PPARGC1A: variants seen among roughly 807,000 people sequenced by gnomAD.
PPARGC1A encodes peroxisome proliferator-activated receptor gamma coactivator 1-alpha.
In PPARGC1A, 25 loss-of-function variants were observed where a neutral mutation model predicts 88.7. That is an observed-to-expected ratio of 0.28 (90% confidence interval 0.21 to 0.39). PPARGC1A has a LOEUF of 0.39. Among genes scored for constraint, PPARGC1A ranks in the 10% least tolerant of loss-of-function variants. PPARGC1A has a pLI of 1.00. For missense variants in PPARGC1A, 880 were observed against 968.7 expected (o/e 0.91, Z 1.22); for synonymous variants, 363 against 355.6 (o/e 1.02, Z -0.24).
the PPARGC1A span, among the ~76,000 whole-genome samples, chr4:24,349,993 C>T: frequency 6.6e-6 from 1 of 152,340 alleles, no homozygotes; most frequent in East Asian, 1.9e-4. Context: ...GCTTCCTCTA[C>T]CCCTGTATTT....
chr4:24,111,016 A>T, the PPARGC1A span, among the ~76,000 whole-genome samples: 8 of 152,064 alleles, frequency 5.3e-5, no homozygotes, highest in Non-Finnish European at 1.0e-4. Context: ...TTTTTTGATC[A>T]TTTCTTATTT....
chr4:23,813,903 C>G lies in PPARGC1A; in HGVS notation c.1580G>C (p.Gly527Ala), dbSNP rs1465893815. 6.2e-7 allele frequency: 1 copy of G among 1,613,846 alleles called. No homozygotes were observed. Among genetic ancestry groups the G allele is most frequent in the Non-Finnish European group, 8.5e-7 (1 of 1,179,802 alleles). Residue 527 changes from glycine to alanine, a missense_variant, in exon 8 of 13, where the codon GGC (glycine) becomes GCC (alanine). Coordinates refer to ENST00000264867, the MANE Select transcript of PPARGC1A (RefSeq NM_013261.5). Reference sequence around the variant, plus strand: ...ATTGAACAATGAATAGGATTGCGTGCCATCCCAAGGGTAGCTCAGTTTATC... The same window carrying G: ...ATTGAACAATGAATAGGATTGCGTGGCATCCCAAGGGTAGCTCAGTTTATC... ...ESDKLSYPWD[G>A]TQSYSLFNVS...
At chr4:24,109,298 T>TAC in the PPARGC1A span, among the ~76,000 whole-genome samples, 14,071 of 131,674 alleles carry the variant, frequency 0.11, 725 homozygotes, top group Middle Eastern at 0.12. Flanking sequence ...CATTTCATTA[T>TAC]ACACACACAC....
At chr4:24,446,350 A>C in the PPARGC1A span, among the ~76,000 whole-genome samples, 1 of 152,202 alleles carries the variant, frequency 6.6e-6, no homozygotes, top group Non-Finnish European at 1.5e-5. Flanking sequence ...ACCTTTTCAT[A>C]TACCTGTTGG....
At chr4:24,326,187 C>A in the PPARGC1A span, among the ~76,000 whole-genome samples, 15 of 151,932 alleles carry the variant, frequency 9.9e-5, no homozygotes, top group Admixed American at 1.3e-4. Context: ...CCTTACCCCG[C>A]TGAATGCCAA....
the PPARGC1A span, among the ~76,000 whole-genome samples, chr4:24,137,856 A>G: frequency 6.6e-6 from 1 of 152,152 alleles, no homozygotes; most frequent in Non-Finnish European, 1.5e-5. Context: ...AAACAATCAA[A>G]CAAGAGCTAA....
chr4:24,091,356 G>A, the PPARGC1A span: 39 of 820,254 alleles, frequency 4.8e-5, no homozygotes, highest in African/African-American at 5.6e-5. Context: ...TCAAAAGGAC[G>A]TGCTTGCAGA....
the PPARGC1A span, among the ~76,000 whole-genome samples, chr4:24,165,061 C>G: frequency 2.0e-5 from 3 of 151,960 alleles, no homozygotes; most frequent in Non-Finnish European, 4.4e-5. Context: ...CTATCTGACT[C>G]CTTTATAACT....
the PPARGC1A span, among the ~76,000 whole-genome samples, chr4:24,304,686 G>A: frequency 4.6e-5 from 7 of 152,062 alleles, no homozygotes; most frequent in African/African-American, 1.2e-4. Flanking sequence ...TTCACTGACC[G>A]AATCAGGACA....
chr4:23,889,770 T>A (rs568513953), intron 1 of PPARGC1A, 134 bp downstream of exon 1: 1 of 1,049,822 alleles, frequency 9.5e-7, no homozygotes, highest in African/African-American at 1.6e-5. Flanking sequence ...AAGATTGAGA[T>A]TCTTCTAAAA....
intron 4 of PPARGC1A, among the ~76,000 whole-genome samples, chr4:23,829,162 T>C (rs1724545289): frequency 6.6e-6 from 1 of 152,162 alleles, no homozygotes; most frequent in Non-Finnish European, 1.5e-5. Context: ...TCATAGATAA[T>C]ACCAGCTTAT....
chr4:23,955,450 A>G, the PPARGC1A span, among the ~76,000 whole-genome samples: 1 of 152,108 alleles, frequency 6.6e-6, no homozygotes, highest in African/African-American at 2.4e-5. Context: ...AGTTATTAAT[A>G]TCATTATTCA....
At chr4:24,116,181 A>G in the PPARGC1A span, among the ~76,000 whole-genome samples, 1 of 152,114 alleles carries the variant, frequency 6.6e-6, no homozygotes. Flanking sequence ...TGTTTATTTT[A>G]TCTTGGATAA....
the PPARGC1A span, among the ~76,000 whole-genome samples, chr4:24,057,981 G>A: frequency 6.6e-6 from 1 of 152,204 alleles, no homozygotes; most frequent in African/African-American, 2.4e-5. Flanking sequence ...AGAGAGGGAA[G>A]CGAGTGATTG....
the PPARGC1A span, among the ~76,000 whole-genome samples, chr4:24,098,122 T>C: frequency 1.3e-5 from 2 of 152,252 alleles, no homozygotes; most frequent in Admixed American, 6.5e-5. Flanking sequence ...AAAGTTGTTA[T>C]TGGAGGGCCA....
chr4:24,383,364 C>T, the PPARGC1A span, among the ~76,000 whole-genome samples: 38 of 152,156 alleles, frequency 2.5e-4, no homozygotes, highest in East Asian at 3.9e-4. Context: ...AAAAGCTGGA[C>T]GGAGAATGAG....
At chr4:24,224,695 A>G in the PPARGC1A span, among the ~76,000 whole-genome samples, 1 of 152,170 alleles carries the variant, frequency 6.6e-6, no homozygotes, top group South Asian at 2.1e-4. Flanking sequence ...TGGAAAGGGG[A>G]GGTGGAGATG....
At chr4:24,275,990 A>G in the PPARGC1A span, among the ~76,000 whole-genome samples, 103 of 152,336 alleles carry the variant, frequency 6.8e-4, 1 homozygote, top group African/African-American at 2.4e-3. Flanking sequence ...AAAACATGAC[A>G]TTTGACATTG....
At chr4:24,038,944 G>A in the PPARGC1A span, among the ~76,000 whole-genome samples, 2 of 152,082 alleles carry the variant, frequency 1.3e-5, no homozygotes, top group East Asian at 3.9e-4. Flanking sequence ...TCACCACAGA[G>A]GTTTACAAGC....
Sources: allele counts gnomAD v4.1 joint callset (sites outside exome capture counted in the v4.1 genomes callset), GRCh38; gene constraint gnomAD v4.1.1; transcripts MANE v1.5; gene names NCBI Gene and HGNC (gene_info 2026-07-23, HGNC 2026-07-21).